GRM5: variants seen among roughly 807,000 people sequenced by gnomAD.
The protein encoded by GRM5 is glutamate metabotropic receptor 5.
Under a neutral mutation model 83.1 loss-of-function variants are expected in GRM5, and 19 were observed. The observed-to-expected ratio is 0.23, with a 90% CI of 0.16 to 0.34. The LOEUF (loss-of-function observed/expected upper bound fraction) is 0.34. GRM5 is among the 10% of genes least tolerant of loss of function. The probability of loss-of-function intolerance (pLI) is 1.00; values close to 1 mark genes in which losing one functional copy is unlikely to be tolerated. For synonymous variants in GRM5, 675 were observed against 633.6 expected (o/e 1.07, Z -0.98); for missense variants, 1,160 against 1,588.3 (o/e 0.73, Z 4.58).
intron 2 of GRM5, among the ~76,000 whole-genome samples, chr11:88,882,930 G>A (rs963121651): frequency 3.0e-4 from 45 of 152,204 alleles, no homozygotes; most frequent in African/African-American, 1.1e-3. Context: ...TTTTGTAAAG[G>A]GGAGTTTCCC....
chr11:88,649,724 A>G (rs956395104), intron 4 of GRM5, among the ~76,000 whole-genome samples: 2 of 151,492 alleles, frequency 1.3e-5, no homozygotes, highest in African/African-American at 4.8e-5. Context: ...TATCTTTTAA[A>G]AATAAAAGGT....
chr11:89,014,360 G>C (rs186643056), intron 2 of GRM5, among the ~76,000 whole-genome samples: 2 of 152,222 alleles, frequency 1.3e-5, no homozygotes, highest in Non-Finnish European at 2.9e-5. Context: ...AACAGTGCCG[G>C]CTCATCATAA....
intron 3 of GRM5, among the ~76,000 whole-genome samples, chr11:88,679,641 C>A (rs750870726): frequency 2.0e-5 from 3 of 152,044 alleles, no homozygotes; most frequent in Non-Finnish European, 4.4e-5. Flanking sequence ...GGCTCAAATA[C>A]TTTTATACTT....
chr11:88,517,637 A>T (rs1478722264), intron 9 of GRM5, among the ~76,000 whole-genome samples: 1 of 152,162 alleles, frequency 6.6e-6, no homozygotes, highest in Non-Finnish European at 1.5e-5. Flanking sequence ...CCCAAATTTT[A>T]TCCATATCTT....
intron 3 of GRM5, among the ~76,000 whole-genome samples, chr11:88,800,290 C>G (rs1450438481): frequency 6.6e-6 from 1 of 151,996 alleles, no homozygotes; most frequent in Non-Finnish European, 1.5e-5. Flanking sequence ...GTAGGACTCT[C>G]CAGCCAAAAC....
chr11:88,928,122 G>A (rs1418911941), intron 2 of GRM5, among the ~76,000 whole-genome samples: 3 of 152,128 alleles, frequency 2.0e-5, no homozygotes, highest in Admixed American at 6.6e-5. Context: ...GGGCACATAT[G>A]CATTTCCCTG....
chr11:88,799,496 A>T (rs1943348526), intron 3 of GRM5, among the ~76,000 whole-genome samples: 1 of 152,106 alleles, frequency 6.6e-6, no homozygotes, highest in South Asian at 2.1e-4. Flanking sequence ...GAAGCATATG[A>T]ACAAATTATG....
chr11:89,033,084 G>A lies in GRM5; in HGVS notation c.661+14128C>T, dbSNP rs1038531187. 4.1e-4 allele frequency among the ~76,000 whole-genome samples: 63 copies of A among 152,020 alleles called. 1 individual carries two copies. Among genetic ancestry groups the A allele is most frequent in the African/African-American group, 1.2e-3 (51 of 41,494 alleles). Reference sequence around the variant, plus strand: ...GCATAGATCTTGGCACATAGTGAGTGTTCATTTAATAATTAATTTATCAGG... The same window carrying A: ...GCATAGATCTTGGCACATAGTGAGTATTCATTTAATAATTAATTTATCAGG... On this transcript the variant is annotated intron_variant, in intron 2 of 9. Transcript: ENST00000305447.
intron 2 of GRM5, among the ~76,000 whole-genome samples, chr11:88,947,650 A>T (rs1221432574): frequency 6.6e-6 from 1 of 151,896 alleles, no homozygotes; most frequent in Non-Finnish European, 1.5e-5. Flanking sequence ...CTGTTGGTAT[A>T]GATTTAGTTG....
chr11:88,936,482 T>C (rs1937898741), intron 2 of GRM5, among the ~76,000 whole-genome samples: 1 of 151,182 alleles, frequency 6.6e-6, no homozygotes, highest in Non-Finnish European at 1.5e-5. Context: ...CTTTCTTCTG[T>C]TTACTAGTAT....
chr11:88,851,877 A>C (rs1944394733), intron 2 of GRM5, among the ~76,000 whole-genome samples: 1 of 152,212 alleles, frequency 6.6e-6, no homozygotes, highest in Admixed American at 6.5e-5. Flanking sequence ...GCAGGTGGGC[A>C]ATCTAGTTAT....
intron 2 of GRM5, among the ~76,000 whole-genome samples, chr11:88,934,541 G>A (rs190186773): frequency 7.1e-4 from 108 of 151,892 alleles, no homozygotes; most frequent in Middle Eastern, 3.4e-3. Flanking sequence ...CACATAACAT[G>A]GTGAGGTAGA....
At chr11:88,583,875 T>G (rs1403667858) in intron 7 of GRM5, among the ~76,000 whole-genome samples, 1 of 152,166 alleles carries the variant, frequency 6.6e-6, no homozygotes. Context: ...CAGACTACAT[T>G]TTTCTGAGAA....
chr11:88,649,115 T>C (rs921594501), intron 4 of GRM5, among the ~76,000 whole-genome samples: 3 of 143,750 alleles, frequency 2.1e-5, no homozygotes, highest in African/African-American at 7.6e-5. Flanking sequence ...ATTAAATATA[T>C]ATGTAATATT....
chr11:88,858,015 T>G (rs1243332711), intron 2 of GRM5, among the ~76,000 whole-genome samples: 6 of 152,060 alleles, frequency 3.9e-5, no homozygotes, highest in African/African-American at 1.4e-4. Flanking sequence ...TACGAAAACT[T>G]TGTTAACAAA....
chr11:88,724,976 C>T (rs745575713), intron 3 of GRM5, among the ~76,000 whole-genome samples: 3 of 152,084 alleles, frequency 2.0e-5, no homozygotes, highest in Non-Finnish European at 4.4e-5. Context: ...ACTGGGTGGC[C>T]ATTTGGGCAG....
chr11:88,636,763 T>C (rs1939135620), intron 4 of GRM5, among the ~76,000 whole-genome samples: 1 of 152,212 alleles, frequency 6.6e-6, no homozygotes, highest in Non-Finnish European at 1.5e-5. Flanking sequence ...TTCAGCTTTC[T>C]ACATATGGCT....
intron 2 of GRM5, among the ~76,000 whole-genome samples, chr11:88,866,466 G>A (rs1397901309): frequency 6.6e-6 from 1 of 151,904 alleles, no homozygotes; most frequent in East Asian, 1.9e-4. Context: ...ACAGGTTGAT[G>A]GTTGCAGCAG....
chr11:88,655,055 G>GT, intron 3 of GRM5, among the ~76,000 whole-genome samples: 1 of 152,078 alleles, frequency 6.6e-6, no homozygotes, highest in Non-Finnish European at 1.5e-5. Flanking sequence ...AAAGAACACT[G>GT]TTTTTCTCTA....
Sources: gnomAD v4.1 joint callset for allele counts (sites outside exome capture counted in the v4.1 genomes callset) on GRCh38, gnomAD v4.1.1 for gene constraint, MANE v1.5 for transcripts, NCBI Gene and HGNC (gene_info 2026-07-23, HGNC 2026-07-21) for gene names.